Variants in TRPV3 observed in about 807,000 individuals in gnomAD.
TRPV3 encodes VRL-3.
Under a neutral mutation model 87.1 loss-of-function variants are expected in TRPV3, and 88 were observed. The ratio of observed to expected loss-of-function variants is 1.01; its 90% CI spans 0.85 to 1.21. The LOEUF (loss-of-function observed/expected upper bound fraction) is 1.21. Ranked by LOEUF, TRPV3 falls within the 50% of genes most tolerant of loss-of-function variation. TRPV3 has a pLI of 0.00. For synonymous variants in TRPV3, 438 were observed against 423.3 expected (o/e 1.03, Z -0.43); for missense variants, 1,054 against 1,030.1 (o/e 1.02, Z -0.32).
intron 8 of TRPV3, 66 bp downstream of exon 8, chr17:3,532,591 T>G: frequency 8.9e-6 from 14 of 1,573,078 alleles, no homozygotes; most frequent in Non-Finnish European, 1.1e-5. Flanking sequence ...CCCCCGGGGC[T>G]GAGAGGGTGG....
chr17:3,518,193 G>A lies in TRPV3; in HGVS notation c.2085+383C>T, dbSNP rs2074201593. Among the ~76,000 whole-genome samples, 1 of 152,062 alleles carries A rather than the reference G, an allele frequency of 6.6e-6. No individual in the cohort carries two copies. Among genetic ancestry groups the A allele is most frequent in the Admixed American group, 6.6e-5 (1 of 15,252 alleles). ...GTTACCACCTCTGAACCCATCCTAT[G>A]CATTGGTTTCCTCAGCATGTAAGAA... On this transcript the variant is annotated intron_variant, in intron 15 of 17. Transcript: ENST00000576742. The surrounding 1 kb of genome is among the most constrained non-coding windows in gnomAD (Gnocchi z 4.3).
At position 3,531,060 on chromosome 17, in the gene TRPV3, A is replaced by C. The variant is rs529877113; in HGVS notation, c.1066-857T>G. Among the ~76,000 whole-genome samples, 6 of 149,236 alleles carry C rather than the reference A, an allele frequency of 4.0e-5. No homozygotes were observed. The South Asian group carries it at 1.3e-3, about 31-fold the overall frequency. ...AATGAAGTGAGACTCTAGTCTCAAA[A>C]AAAACAAAACAAAACAAACAAACAA... is the stretch of plus-strand genomic sequence containing the variant. On this transcript the variant is annotated intron_variant, in intron 8 of 17. Coordinates refer to ENST00000576742, the MANE Select transcript of TRPV3 (RefSeq NM_145068.4).
chr17:3,524,582 T>A (rs1477354976), intron 12 of TRPV3, among the ~76,000 whole-genome samples: 2 of 152,088 alleles, frequency 1.3e-5, no homozygotes, highest in Non-Finnish European at 2.9e-5. Context: ...GGTAAGCTGA[T>A]TGCAGCTGGT....
At chr17:3,526,977 A>T (rs11657715) in intron 11 of TRPV3, 50 bp from the exon 12 acceptor site, 3 of 1,490,684 alleles carry the variant, frequency 2.0e-6, no homozygotes, top group East Asian at 2.3e-5. Context: ...GGCCCTCAGC[A>T]GGGGAGCTGA....
At chr17:3,529,790 C>A in intron 9 of TRPV3, among the ~76,000 whole-genome samples, 1 of 148,892 alleles carries the variant, frequency 6.7e-6, no homozygotes, top group African/African-American at 2.5e-5. Flanking sequence ...GCCCACCGCC[C>A]CCGCCACCAC....
intron 7 of TRPV3, 26 bp downstream of exon 7, chr17:3,535,547 C>G: frequency 1.3e-6 from 2 of 1,557,588 alleles, no homozygotes; most frequent in East Asian, 4.9e-5. Context: ...CTCCCAGACT[C>G]CGCACCGGGC....
chr17:3,526,876 C>T lies in TRPV3; in HGVS notation c.1555G>A (p.Asp519Asn), dbSNP rs2074304705. 3 of 1,611,810 alleles carry T rather than the reference C, an allele frequency of 1.9e-6. No homozygotes were observed. In the East Asian group the frequency reaches 6.7e-5, roughly 36 times the overall value. The change falls in exon 12 of 18, where the codon GAT becomes AAT. Residue 519 changes from aspartate (D) to asparagine (N), a missense_variant. Asp to Asn is a conservative substitution (Grantham distance 23). Coordinates refer to ENST00000576742, the MANE Select transcript of TRPV3 (RefSeq NM_145068.4). ...TACAAGACAAAGTGGAACCAGGCATCCGAGAGGATGGACTGCAGATCCGAG... is the reference window on the plus strand; with the variant it reads ...TACAAGACAAAGTGGAACCAGGCATTCGAGAGGATGGACTGCAGATCCGAG... The part of the protein sequence containing the change: ...RPSDLQSILS[D>N]AWFHFVFFIQ...
Position 3,528,382 on chromosome 17 carries a change from T to C in TRPV3, c.1402-256A>G, listed in dbSNP as rs1313702055. Among the ~76,000 whole-genome samples the C allele has an allele frequency of 1.3e-5, 2 of 152,084 alleles. No homozygotes were observed. Among genetic ancestry groups the C allele is most frequent in the Admixed American group, 6.5e-5 (1 of 15,278 alleles). On this transcript the variant is annotated intron_variant, in intron 10 of 17. Transcript: ENST00000576742. The surrounding 1 kb of genome is among the most constrained non-coding windows in gnomAD (Gnocchi z 4.2). Reference sequence around the variant, plus strand: ...TAACAACCCTCACACTCCATTGCAATAGCCTTTCCGGAACCCATCCATATC... The same window carrying C: ...TAACAACCCTCACACTCCATTGCAACAGCCTTTCCGGAACCCATCCATATC...
In TRPV3 at chr17:3,530,068, T is replaced by C; in HGVS notation, c.1201A>G (p.Asn401Asp). ...TAGACAGTGATTTCCAGCACTGAGT[T>C]GTCCGTGGTGGTGTCCACGTTGGTG... ...DLTNVDTTTDNSVLEITVYNT... is the reference protein window; with the variant it reads ...DLTNVDTTTDDSVLEITVYNT... Residue 401 changes from asparagine (N) to aspartate (D), a missense_variant, in exon 9 of 18, where the codon AAC becomes GAC. Physicochemically the swap from Asn to Asp is conservative, Grantham distance 23 (BLOSUM62 1). Coordinates refer to ENST00000576742, the MANE Select transcript of TRPV3 (RefSeq NM_145068.4). This position sits in a 1 kb window ranked among gnomAD's most constrained non-coding sequence, Gnocchi z 4.0. 1 of 1,613,954 alleles carries C rather than the reference T, an allele frequency of 6.2e-7. No homozygotes were observed. Among genetic ancestry groups the C allele is most frequent in the Non-Finnish European group, 8.5e-7 (1 of 1,179,902 alleles).
At chr17:3,533,878 C>A (rs1373014278) in intron 7 of TRPV3, among the ~76,000 whole-genome samples, 1 of 152,170 alleles carries the variant, frequency 6.6e-6, no homozygotes, top group African/African-American at 2.4e-5. Context: ...TACCGATGGT[C>A]TCTCCCTGTC....
Position 3,514,662 on chromosome 17 carries a change from C to G in TRPV3, c.2209G>C (p.Val737Leu), listed in dbSNP as rs768666749. ...DFRLCLRINE[V>L]KWTEWKTHVS... ...TGCGTCTTCCATTCAGTCCACTTCA[C>G]CTCATTGATCCTGCAAATGTGATAA... The change falls in exon 17 of 18, where the codon GTG (valine) becomes CTG (leucine). Residue 737 changes from valine to leucine, a missense_variant. Coordinates refer to ENST00000576742, the MANE Select transcript of TRPV3 (RefSeq NM_145068.4). The G allele has an allele frequency of 6.2e-7, 1 of 1,613,212 alleles. No homozygotes were observed. The highest frequency in any genetic ancestry group is 1.1e-5 in the South Asian group (1 of 91,060).
chr17:3,521,173 GCCAAATCCT>G, intron 13 of TRPV3, 134 bp from the exon 14 acceptor site: 1 of 443,712 alleles, frequency 2.3e-6, no homozygotes, highest in Non-Finnish European at 4.1e-6. Context: ...CCTTCCCCCA[GCCAAATCCT>G]CCTGATGCTC....
At chr17:3,554,698 G>A (rs2150809901) in intron 2 of TRPV3, 34 bp downstream of exon 2, 1 of 1,475,604 alleles carries the variant, frequency 6.8e-7, no homozygotes, top group East Asian at 2.3e-5. Context: ...CCCTCACAGT[G>A]CCGCAGTCCG....
At chr17:3,551,870 C>A (rs201854149) in intron 2 of TRPV3, among the ~76,000 whole-genome samples, 2 of 43,354 alleles carry the variant, frequency 4.6e-5, no homozygotes, top group African/African-American at 8.3e-5. Flanking sequence ...GTAATTTATT[C>A]TTTTTTTTTT....
chr17:3,536,079 G>C (rs190343349), intron 6 of TRPV3, among the ~76,000 whole-genome samples: 1 of 152,214 alleles, frequency 6.6e-6, no homozygotes, highest in Non-Finnish European at 1.5e-5. Flanking sequence ...GCCAGAGAGC[G>C]TCAGGGGGCT....
Position 3,512,074 on chromosome 17 carries a change from G to A in TRPV3, c.*1843C>T, listed in dbSNP as rs1043683273. 6.6e-6 allele frequency: 1 copy of A among 152,208 alleles called. No homozygotes were observed. Among genetic ancestry groups the A allele is most frequent in the Non-Finnish European group, 1.5e-5 (1 of 68,046 alleles). 9.4% of individuals were successfully genotyped at this position (152,208 alleles called of 1,614,324 possible). On this transcript the variant is annotated 3_prime_UTR_variant, in exon 18 of 18. Transcript: ENST00000576742. ...TTTTCAACAACATTCCTCATTAAGT[G>A]CGCAACCAGCTTCTGCTTAAACATC...
At chr17:3,540,575 G>A (rs78408553) in intron 6 of TRPV3, among the ~76,000 whole-genome samples, 5 of 152,256 alleles carry the variant, frequency 3.3e-5, no homozygotes, top group East Asian at 3.9e-4. Context: ...TGTACTAAGC[G>A]TCTCTTAGGT....
chr17:3,533,412 A>G (rs2074369463), intron 7 of TRPV3, among the ~76,000 whole-genome samples: 1 of 151,878 alleles, frequency 6.6e-6, no homozygotes, highest in Non-Finnish European at 1.5e-5. Context: ...GTCACCTTTC[A>G]GTGAGCCACC....
rs1247775474 is a variant in TRPV3, at chr17:3,546,861, A to T, written c.120-1590T>A. ...TATGCGCCTGTAATCCCAGCTATTC[A>T]GGAGGCTGAGGCAGAAGAATTGCTT... On this transcript the variant is annotated intron_variant, in intron 2 of 17. Transcript: ENST00000576742. The T allele has an allele frequency of 3.7e-5, 11 of 296,350 alleles. No individual in the cohort carries two copies. The Admixed American group carries it at 4.4e-4, about 12-fold the overall frequency. The allele number at this position is 296,350 out of a possible 1,614,324, so 18.4% of individuals were successfully genotyped here.
Sources: allele counts gnomAD v4.1 joint callset (sites outside exome capture counted in the v4.1 genomes callset), GRCh38; gene constraint gnomAD v4.1.1; non-coding constraint Gnocchi (gnomAD v3.1); transcripts MANE v1.5; gene names NCBI Gene and HGNC (gene_info 2026-07-23, HGNC 2026-07-21).